C2orf92: variants seen among roughly 807,000 people sequenced by gnomAD.
C2orf92 encodes chromosome 2 open reading frame 92.
intron 3 of C2orf92, 78 bp from the exon 4 acceptor site, chr2:97,688,817 C>T (rs1026386360): frequency 7.5e-6 from 3 of 398,038 alleles, no homozygotes; most frequent in African/African-American, 6.2e-5. Context: ...TATTCATAGA[C>T]TGCTTTAGGT....
Position 97,702,893 on chromosome 2 carries a change from C to T in C2orf92, c.*92C>T. The T allele has an allele frequency of 2.5e-6, 1 of 397,782 alleles. No individual in the cohort carries two copies. 24.6% of individuals were successfully genotyped at this position (397,782 alleles called of 1,614,324 possible). A position where few individuals can be genotyped will look rare whatever the true frequency, so the allele number is the denominator to read the frequency against. On this transcript the variant is annotated 3_prime_UTR_variant, in exon 8 of 8. Transcript: ENST00000627399. ...CCACAGGGAGGCAATTCCATTTCTG[C>T]CCGGGAGGTGTATTCTACAAAAACG...
At chr2:97,677,137 C>T (rs1244767432) in intron 3 of C2orf92, among the ~76,000 whole-genome samples, 1 of 152,132 alleles carries the variant, frequency 6.6e-6, no homozygotes, top group East Asian at 1.9e-4. Context: ...ATTCCCAAGC[C>T]CTGTGACGGG....
upstream of C2orf92, chr2:97,669,650 T>C: frequency 2.5e-6 from 1 of 393,514 alleles, no homozygotes; most frequent in Non-Finnish European, 4.5e-6. Context: ...CTTCTCATGG[T>C]TGAGCAGGCT....
chr2:97,680,857 T>C (rs1573210467), intron 3 of C2orf92, among the ~76,000 whole-genome samples: 1 of 149,154 alleles, frequency 6.7e-6, no homozygotes, highest in African/African-American at 2.5e-5. Context: ...ACCCGGGAGG[T>C]GGAGCTTGCA....
chr2:97,682,533 TC>T (rs1344129325), intron 3 of C2orf92, among the ~76,000 whole-genome samples: 5 of 152,212 alleles, frequency 3.3e-5, no homozygotes, highest in African/African-American at 1.2e-4. Flanking sequence ...AACAAATGTC[TC>T]TTGTAAATAT....
chr2:97,700,475 T>G (rs1411929268), intron 6 of C2orf92, among the ~76,000 whole-genome samples: 1 of 152,170 alleles, frequency 6.6e-6, no homozygotes, highest in Non-Finnish European at 1.5e-5. Context: ...CCTCCTCTAG[T>G]GCCCCTGCTT....
rs2104513843 is a variant in C2orf92 at position 97,664,258 on chromosome 2, A to C, written n.42A>C. ...CTTAAAGGGGACGCGGGCGGCAGAA[A>C]GTGGAGCTGGGCTGGTGTGCGCGCG... On this transcript the variant is annotated non_coding_transcript_exon_variant, in exon 1 of 4. Transcript: ENST00000450072. 1.9e-5 allele frequency: 3 copies of C among 154,674 alleles called. No homozygotes were observed. The South Asian group carries it at 6.2e-4, about 32-fold the overall frequency. 9.6% of individuals were successfully genotyped at this position (154,674 alleles called of 1,614,324 possible). A position where few individuals can be genotyped will look rare whatever the true frequency, so the allele number is the denominator to read the frequency against.
chr2:97,679,004 G>T (rs1675672914), intron 3 of C2orf92, among the ~76,000 whole-genome samples: 2 of 151,340 alleles, frequency 1.3e-5, no homozygotes, highest in South Asian at 2.1e-4. Context: ...AAGTAAAAAG[G>T]AAAATACTGT....
chr2:97,664,122 G>A, upstream of C2orf92: 1 of 264,784 alleles, frequency 3.8e-6, no homozygotes, highest in Non-Finnish European at 7.1e-6. Context: ...GCTGCGCGAA[G>A]GGGGCGGGGC....
intron 5 of C2orf92, among the ~76,000 whole-genome samples, chr2:97,696,426 AG>A: frequency 6.6e-6 from 1 of 152,020 alleles, no homozygotes; most frequent in East Asian, 1.9e-4. Context: ...CCTTGGCAGT[AG>A]TGACCATTCA....
At chr2:97,693,004 T>A (rs1481696986) in intron 5 of C2orf92, among the ~76,000 whole-genome samples, 1 of 152,206 alleles carries the variant, frequency 6.6e-6, no homozygotes, top group Non-Finnish European at 1.5e-5. Flanking sequence ...GTCCAAAAGA[T>A]ACTTTTTGGG....
chr2:97,693,367 G>A (rs78578945), intron 5 of C2orf92, among the ~76,000 whole-genome samples: 2,643 of 152,186 alleles, frequency 0.017, 80 homozygotes, highest in African/African-American at 0.061. Flanking sequence ...GGGGTCATAT[G>A]GTAAATCTAT....
chr2:97,674,640 A>G, intron 2 of C2orf92, 83 bp downstream of exon 2: 1 of 397,342 alleles, frequency 2.5e-6, no homozygotes, highest in Admixed American at 4.4e-5. Flanking sequence ...CTAGCATTTT[A>G]GCATTCCTTA....
upstream of C2orf92, chr2:97,664,008 C>G (rs369043931): frequency 4.3e-5 from 23 of 533,378 alleles, no homozygotes; most frequent in Non-Finnish European, 5.8e-5. Flanking sequence ...CCTCCCTCCC[C>G]GAGCCTGCAG....
chr2:97,668,553 G>T (rs78396210), upstream of C2orf92: 2 of 152,272 alleles, frequency 1.3e-5, no homozygotes, highest in African/African-American at 2.4e-5. Flanking sequence ...CCCTGCTGAC[G>T]TCTTGATCTC....
At chr2:97,689,331 C>A (rs11674770) in intron 4 of C2orf92, among the ~76,000 whole-genome samples, 1 of 152,192 alleles carries the variant, frequency 6.6e-6, no homozygotes, top group South Asian at 2.1e-4. Context: ...CAGCAGCATC[C>A]TAACTTTCAA....
chr2:97,685,473 G>A (rs1409207123), intron 3 of C2orf92, among the ~76,000 whole-genome samples: 1 of 151,944 alleles, frequency 6.6e-6, no homozygotes, highest in Non-Finnish European at 1.5e-5. Context: ...CACTGTGTTA[G>A]CCAGGATGGT....
upstream of C2orf92, chr2:97,664,758 A>T (rs565254807): frequency 1.3e-5 from 2 of 151,176 alleles, no homozygotes; most frequent in Non-Finnish European, 2.9e-5. Flanking sequence ...TTTTTTTTGT[A>T]GAGAAGGGAT....
intron 5 of C2orf92, among the ~76,000 whole-genome samples, chr2:97,693,633 C>A (rs113134686): frequency 4.6e-5 from 7 of 152,112 alleles, no homozygotes; most frequent in African/African-American, 1.7e-4. Context: ...AGAATAAATT[C>A]TACTTGGTCA....
Sources: gnomAD v4.1 joint callset for allele counts (sites outside exome capture counted in the v4.1 genomes callset) on GRCh38, gnomAD v4.1.1 for gene constraint, MANE v1.5 for transcripts, NCBI Gene and HGNC (gene_info 2026-07-23, HGNC 2026-07-21) for gene names.